AHI1: variants seen among roughly 807,000 people sequenced by gnomAD.
The protein encoded by AHI1 is jouberin.
AHI1 carries 123 observed loss-of-function variants against 149.3 expected under a neutral mutation model. The observed-to-expected ratio is 0.82, with a 90% CI of 0.71 to 0.96. The LOEUF is 0.96. Among genes scored for constraint, AHI1 ranks in the 40% least tolerant of loss-of-function variants. AHI1 has a pLI of 0.00. For missense variants in AHI1, 1,439 were observed against 1,422.7 expected (o/e 1.01, Z -0.18); for synonymous variants, 475 against 459.8 (o/e 1.03, Z -0.42).
chr6:135,440,072 T>G (rs1261365607), intron 14 of AHI1, among the ~76,000 whole-genome samples: 1 of 152,194 alleles, frequency 6.6e-6, no homozygotes. Context: ...ACTTGCTATG[T>G]TCTCATTCCT....
chr6:135,373,658 C>T (rs1041449452), intron 23 of AHI1, among the ~76,000 whole-genome samples: 18 of 152,166 alleles, frequency 1.2e-4, no homozygotes, highest in Admixed American at 1.2e-3. Flanking sequence ...TTTTAGTTTT[C>T]CTAAACCCTA....
intron 28 of AHI1, among the ~76,000 whole-genome samples, chr6:135,289,299 C>T (rs1782051934): frequency 1.3e-5 from 2 of 151,808 alleles, no homozygotes; most frequent in South Asian, 4.2e-4. Flanking sequence ...AGTTCAAGAC[C>T]AGCCTGGGAA....
At chr6:135,375,026 A>G (rs1007176084) in intron 23 of AHI1, among the ~76,000 whole-genome samples, 1 of 152,218 alleles carries the variant, frequency 6.6e-6, no homozygotes, top group Non-Finnish European at 1.5e-5. Context: ...AAGGCAGGCT[A>G]GGCTAAAGTA....
At chr6:135,302,879 G>C in intron 26 of AHI1, 1 of 1,184,210 alleles carries the variant, frequency 8.4e-7, no homozygotes, top group Admixed American at 2.5e-5. Flanking sequence ...CCCCACCATC[G>C]ACAACGCCAA....
rs1041883871 is a variant in AHI1, at chr6:135,492,379, T to C, written c.-54-88A>G. ...CTTCACACAAGATCATGCCATTGTATGTCCACTACTTCATTAAGTTTATAC... is the reference window on the plus strand; with the variant it reads ...CTTCACACAAGATCATGCCATTGTACGTCCACTACTTCATTAAGTTTATAC... On this transcript the variant is annotated intron_variant, in intron 3 of 28. Transcript: ENST00000265602. 6 of 1,401,410 alleles carry C rather than the reference T, an allele frequency of 4.3e-6. No individual in the cohort carries two copies. In the South Asian group the frequency reaches 1.1e-4, roughly 26 times the overall value. The allele number at this position is 1,401,410 out of a possible 1,614,324, so 86.8% of individuals were successfully genotyped here.
rs141711244 is a variant in AHI1, at chr6:135,355,795, A to T, written c.3165+2337T>A. ...ACGCCTGTAATCCCAGCTACTTAGG[A>T]GGCTGAGGCAGGAGAACTGCTTGAA... On this transcript the variant is annotated intron_variant, in intron 24 of 28. Coordinates refer to ENST00000265602, the MANE Select transcript of AHI1 (RefSeq NM_001134831.2). 6.1e-3 allele frequency among the ~76,000 whole-genome samples: 928 copies of T among 152,266 alleles called. 3 individuals carry two copies. The highest frequency in any genetic ancestry group is 0.021 in the African/African-American group (887 of 41,534).
intron 5 of AHI1, 104 bp from the exon 6 acceptor site, chr6:135,467,738 T>C (rs1235662929): frequency 6.6e-6 from 5 of 752,342 alleles, no homozygotes; most frequent in Non-Finnish European, 8.2e-6. Flanking sequence ...GGAAAATTAT[T>C]TAGTTTTTTT....
intron 21 of AHI1, among the ~76,000 whole-genome samples, chr6:135,410,962 C>A (rs1390527441): frequency 6.6e-6 from 1 of 152,166 alleles, no homozygotes. Flanking sequence ...TGTGCCTCAG[C>A]CACCTGAGTG....
intron 11 of AHI1, among the ~76,000 whole-genome samples, chr6:135,449,900 A>C (rs886568945): frequency 6.6e-6 from 1 of 152,216 alleles, no homozygotes; most frequent in African/African-American, 2.4e-5. Flanking sequence ...GTAGCTACCA[A>C]AACAGTGTAA....
intron 5 of AHI1, among the ~76,000 whole-genome samples, chr6:135,470,474 C>T (rs1010945631): frequency 6.6e-6 from 1 of 152,098 alleles, no homozygotes; most frequent in African/African-American, 2.4e-5. Flanking sequence ...GGTATATACC[C>T]AAAGGAATAT....
chr6:135,308,528 GC>G (rs969828548), intron 26 of AHI1, among the ~76,000 whole-genome samples: 8 of 152,302 alleles, frequency 5.3e-5, no homozygotes, highest in African/African-American at 1.7e-4. Flanking sequence ...GAGCCACTGT[GC>G]CCTGCTGAAC....
chr6:135,477,707 C>T (rs11154803), intron 5 of AHI1, among the ~76,000 whole-genome samples: 47,969 of 152,076 alleles, frequency 0.32, 7,848 homozygotes, highest in South Asian at 0.42. Context: ...AGTCCATGCC[C>T]GCTTCCCCTT....
chr6:135,366,078 T>C (rs1422155197), intron 23 of AHI1, among the ~76,000 whole-genome samples: 3 of 152,242 alleles, frequency 2.0e-5, no homozygotes, highest in Admixed American at 6.5e-5. Flanking sequence ...CTTTTATTTT[T>C]AATTCTGTTT....
chr6:135,447,454 T>C (rs892207868), intron 12 of AHI1, among the ~76,000 whole-genome samples: 1 of 152,222 alleles, frequency 6.6e-6, no homozygotes, highest in Non-Finnish European at 1.5e-5. Context: ...TCACCAATAC[T>C]TATGAGTTAT....
At chr6:135,348,489 T>A (rs1791590828) in intron 24 of AHI1, among the ~76,000 whole-genome samples, 1 of 152,180 alleles carries the variant, frequency 6.6e-6, no homozygotes, top group Non-Finnish European at 1.5e-5. Context: ...CAGTAAATGC[T>A]TTGTTAAAGC....
rs1396631386 is a variant in AHI1, at chr6:135,455,839, T to A, written c.1239A>T (p.Leu413Phe). Reference sequence around the variant, plus strand: ...CTTCCCACTCTGGAAGTCTTGATTTTAACTGTTTAAAATCATATGGCTGGG... The same window carrying A: ...CTTCCCACTCTGGAAGTCTTGATTTAAACTGTTTAAAATCATATGGCTGGG... Reference protein sequence around the residue: ...IMTQPYDFKQLKSRLPEWEEQ... With the variant: ...IMTQPYDFKQFKSRLPEWEEQ... The change falls in exon 10 of 29, where the codon TTA (leucine) becomes TTT (phenylalanine). Residue 413 changes from leucine (L) to phenylalanine (F), a missense_variant. Physicochemically the swap from Leu to Phe is conservative, Grantham distance 22. Transcript: ENST00000265602. The A allele has an allele frequency of 1.2e-6, 2 of 1,600,274 alleles. No homozygotes were observed. Among genetic ancestry groups the A allele is most frequent in the Non-Finnish European group, 1.7e-6 (2 of 1,171,980 alleles).
At chr6:135,341,779 C>T (rs112835035) in intron 24 of AHI1, among the ~76,000 whole-genome samples, 20 of 151,762 alleles carry the variant, frequency 1.3e-4, no homozygotes, top group African/African-American at 3.1e-4. Context: ...AAGAAAAACA[C>T]GATACCAATA....
chr6:135,379,607 C>T (rs1461349820), intron 23 of AHI1, among the ~76,000 whole-genome samples: 3 of 152,160 alleles, frequency 2.0e-5, no homozygotes, highest in Admixed American at 2.0e-4. Context: ...ATCTACCTAC[C>T]TATTTAAAAA....
chr6:135,444,493 C>T (rs895108859), intron 13 of AHI1, among the ~76,000 whole-genome samples: 1 of 152,146 alleles, frequency 6.6e-6, no homozygotes, highest in Admixed American at 6.5e-5. Flanking sequence ...GCAACTTTGC[C>T]TTCATATGAA....
Sources: gnomAD v4.1 joint callset for allele counts (sites outside exome capture counted in the v4.1 genomes callset) on GRCh38, gnomAD v4.1.1 for gene constraint, MANE v1.5 for transcripts, NCBI Gene and HGNC (gene_info 2026-07-23, HGNC 2026-07-21) for gene names.